POLD2: variants seen among roughly 807,000 people sequenced by gnomAD.
POLD2 encodes the protein DNA polymerase delta 2, accessory subunit.
A neutral mutation model predicts 48.8 loss-of-function variants in POLD2; 31 were observed. The ratio of observed to expected loss-of-function variants is 0.64; its 90% CI spans 0.48 to 0.86. POLD2 has a LOEUF of 0.86. Among genes scored for constraint, POLD2 ranks in the 40% least tolerant of loss-of-function variants. POLD2 has a pLI of 0.00. For synonymous variants in POLD2, 233 were observed against 256.3 expected (o/e 0.91, Z 0.87); for missense variants, 455 against 610.1 (o/e 0.75, Z 2.68).
At position 44,118,076 on chromosome 7, in the gene POLD2, G is replaced by A. The variant is rs764184051; in HGVS notation, c.221-12C>T. ...TCCCACTCCACTGCCTGGGACACGA[G>A]GGGTACAGACTCAGAGATGAAGTAG... On this transcript the variant is annotated splice_polypyrimidine_tract_variant and intron_variant, in intron 2 of 10. Coordinates refer to ENST00000610533, the MANE Select transcript of POLD2 (RefSeq NM_006230.4). The A allele has an allele frequency of 7.4e-6, 12 of 1,613,620 alleles. No individual in the cohort carries two copies. Among genetic ancestry groups the A allele is most frequent in the Non-Finnish European group, 6.8e-6 (8 of 1,179,798 alleles).
At position 44,121,725 on chromosome 7, in the gene POLD2, A is replaced by G; in HGVS notation, c.220+109T>C. 1 of 1,079,702 alleles carries G rather than the reference A, an allele frequency of 9.3e-7. No homozygotes were observed. The highest frequency in any genetic ancestry group is 1.3e-6 in the Non-Finnish European group (1 of 760,076). The allele number at this position is 1,079,702 out of a possible 1,614,324, so 66.9% of individuals were successfully genotyped here. On this transcript the variant is annotated intron_variant, in intron 2 of 10. Transcript: ENST00000610533. The surrounding 1 kb of genome is among the most constrained non-coding windows in gnomAD (Gnocchi z 4.5). ...GAGGGAAAAAGAGGTTAATTTTCCC[A>G]AGGTAACAGGAAGTGGGATCAATTA...
intron 9 of POLD2, 32 bp from the exon 10 acceptor site, chr7:44,115,428 T>C: frequency 4.5e-6 from 6 of 1,345,810 alleles, no homozygotes; most frequent in South Asian, 1.2e-5. Context: ...TGAGGAGGGT[T>C]CCGCCTCAGC....
chr7:44,119,392 C>A (rs1366276301), intron 2 of POLD2, among the ~76,000 whole-genome samples: 1 of 152,124 alleles, frequency 6.6e-6, no homozygotes, highest in Non-Finnish European at 1.5e-5. Flanking sequence ...CTGGGAAGAA[C>A]CAGGAATATT....
chr7:44,118,185 G>C (rs977343291), intron 2 of POLD2, 121 bp from the exon 3 acceptor site: 13 of 1,180,350 alleles, frequency 1.1e-5, no homozygotes, highest in African/African-American at 1.1e-4. Flanking sequence ...TGCCAGGAGA[G>C]AACATCAAGT....
At chr7:44,114,977 G>T in intron 10 of POLD2, 32 bp from the exon 11 acceptor site, 1 of 1,571,420 alleles carries the variant, frequency 6.4e-7, no homozygotes, top group South Asian at 1.1e-5. Context: ...CCCACTGTAG[G>T]TTCCAAGTAA....
chr7:44,117,473 G>C, intron 4 of POLD2, 146 bp downstream of exon 4: 1 of 1,048,438 alleles, frequency 9.5e-7, no homozygotes, highest in Non-Finnish European at 1.4e-6. Context: ...CCGACCGCCT[G>C]GAGCCTCACC....
chr7:44,123,878 C>T (rs1449845241), upstream of POLD2, among the ~76,000 whole-genome samples: 1 of 152,248 alleles, frequency 6.6e-6, no homozygotes, highest in African/African-American at 2.4e-5. Flanking sequence ...GGTCGTCACC[C>T]CGCCAGACCT....
Position 44,116,061 on chromosome 7 carries a change from G to A in POLD2, c.1019+54C>T, listed in dbSNP as rs2096238583. On this transcript the variant is annotated intron_variant, in intron 8 of 10. Coordinates refer to ENST00000610533, the MANE Select transcript of POLD2 (RefSeq NM_006230.4). This position sits in a 1 kb window ranked among gnomAD's most constrained non-coding sequence, Gnocchi z 6.1. ...GGGCCCTCCCTCCCCTCCCTTCTTT[G>A]TGCCTCCTGAGGCAAAAGGCTGGGT... is the stretch of plus-strand genomic sequence containing the variant. 1.9e-6 allele frequency: 3 copies of A among 1,603,804 alleles called. No homozygotes were observed. The Admixed American group carries it at 5.0e-5, about 27-fold the overall frequency.
Position 44,117,126 on chromosome 7 carries a change from T to C in POLD2, c.581+7A>G. 1.2e-6 allele frequency: 2 copies of C among 1,612,884 alleles called. No homozygotes were observed. Among genetic ancestry groups the C allele is most frequent in the Non-Finnish European group, 1.7e-6 (2 of 1,178,880 alleles). The stretch of plus-strand genomic sequence containing the variant: ...GCTGGTTCCAGCTCCCGAGAACTGC[T>C]GCTCACCTATCTGTGTCAAGTGGGG... On this transcript the variant is annotated splice_region_variant and intron_variant, in intron 5 of 10. Coordinates refer to ENST00000610533, the MANE Select transcript of POLD2 (RefSeq NM_006230.4).
At chr7:44,118,568 A>C (rs1184760325) in intron 2 of POLD2, among the ~76,000 whole-genome samples, 3 of 152,196 alleles carry the variant, frequency 2.0e-5, no homozygotes, top group African/African-American at 7.2e-5. Context: ...GCTGGAGTGC[A>C]GTGGCGCGAT....
Position 44,121,688 on chromosome 7 carries a change from TAAG to T in POLD2, c.220+143_220+145del. On this transcript the variant is annotated intron_variant, in intron 2 of 10. Transcript: ENST00000610533. This position sits in a 1 kb window ranked among gnomAD's most constrained non-coding sequence, Gnocchi z 4.5. ...CTTAATTTAATCCTTGTTACTATCT[TAAG>T]AAGAAACTGAGGGAAAAAGAGGTTA... is the stretch of plus-strand genomic sequence containing the variant. The T allele has an allele frequency of 1.3e-6, 1 of 799,536 alleles. No homozygotes were observed. 49.5% of individuals were successfully genotyped at this position (799,536 alleles called of 1,614,324 possible). A position where few individuals can be genotyped will look rare whatever the true frequency, so the allele number is the denominator to read the frequency against.
chr7:44,123,598 A>G, upstream of POLD2: 4 of 1,433,890 alleles, frequency 2.8e-6, no homozygotes, highest in Non-Finnish European at 3.6e-6. Context: ...TTCCCCGCCC[A>G]TCGCCTAATC....
At position 44,116,258 on chromosome 7, in the gene POLD2, C is replaced by A. The variant is rs776741455; in HGVS notation, c.876G>T (p.Val292=). Residue 292 remains valine, a synonymous_variant, in exon 8 of 11, where the codon GTG becomes GTT. Coordinates refer to ENST00000610533, the MANE Select transcript of POLD2 (RefSeq NM_006230.4). The surrounding 1 kb of genome is among the most constrained non-coding windows in gnomAD (Gnocchi z 6.1). The stretch of plus-strand genomic sequence containing the variant: ...GATCAAACTCGCCTGGCATCACGTC[C>A]ACGGGCACTGAGGCCTGGAAGGCAC... ...ILLQLSASVP[V]DVMPGEFDPT... The A allele has an allele frequency of 1.5e-5, 24 of 1,610,250 alleles. No homozygotes were observed. The Admixed American group carries it at 4.0e-4, about 27-fold the overall frequency.
intron 1 of POLD2, chr7:44,123,268 G>A (rs2096250586): frequency 2.9e-6 from 4 of 1,356,934 alleles, no homozygotes; most frequent in Non-Finnish European, 3.8e-6. Flanking sequence ...CGTGTCTAAC[G>A]AGTGACTCGT....
chr7:44,117,582 A>G, intron 4 of POLD2, 37 bp downstream of exon 4: 4 of 1,580,334 alleles, frequency 2.5e-6, no homozygotes, highest in Non-Finnish European at 3.4e-6. Flanking sequence ...TGGGCTCTTC[A>G]CCTGCATCAC....
At chr7:44,119,023 C>A (rs2096244829) in intron 2 of POLD2, among the ~76,000 whole-genome samples, 1 of 149,838 alleles carries the variant, frequency 6.7e-6, no homozygotes, top group Non-Finnish European at 1.5e-5. Flanking sequence ...CCCCCACCCC[C>A]AACCCCCACC....
At chr7:44,123,803 G>T (rs190364866), upstream of POLD2, 2,161 of 975,460 alleles carry the variant, frequency 2.2e-3, 30 homozygotes, top group African/African-American at 0.031. Flanking sequence ...TTGGGCTGAC[G>T]GGGGGTGTCG....
chr7:44,114,778 T>G lies in POLD2; in HGVS notation c.*7A>C. On this transcript the variant is annotated 3_prime_UTR_variant, in exon 11 of 11. Coordinates refer to ENST00000610533, the MANE Select transcript of POLD2 (RefSeq NM_006230.4). ...TGGGCCTCTCTGGTCAAAACCACTT[T>G]TTTGAGTCAGGGGCCCAGCCCCAGG... 6.2e-7 allele frequency: 1 copy of G among 1,600,710 alleles called. No homozygotes were observed. Among genetic ancestry groups the G allele is most frequent in the Non-Finnish European group, 8.5e-7 (1 of 1,170,284 alleles).
At chr7:44,123,340 G>A in intron 1 of POLD2, 171 bp downstream of exon 1, 1 of 1,375,264 alleles carries the variant, frequency 7.3e-7, no homozygotes, top group Non-Finnish European at 9.3e-7. Flanking sequence ...TACTCGGGAT[G>A]GGGCCGAGAG....
Sources: gnomAD v4.1 joint callset for allele counts (sites outside exome capture counted in the v4.1 genomes callset) on GRCh38, gnomAD v4.1.1 for gene constraint, Gnocchi (gnomAD v3.1) non-coding constraint, MANE v1.5 for transcripts, NCBI Gene and HGNC (gene_info 2026-07-23, HGNC 2026-07-21) for gene names.